PCDHA3: variants seen among roughly 807,000 people sequenced by gnomAD.
PCDHA3 encodes protocadherin alpha-3.
In PCDHA3, 41 loss-of-function variants were observed where a neutral mutation model predicts 62.2. That is an observed-to-expected ratio of 0.66 (90% CI 0.51 to 0.86). PCDHA3 has a LOEUF of 0.86. PCDHA3 is among the 40% of genes least tolerant of loss of function. The pLI, the probability that PCDHA3 is intolerant of heterozygous loss-of-function variation, is 0.00. For missense variants in PCDHA3, 1,304 were observed against 1,241.2 expected (o/e 1.05, Z -0.76); for synonymous variants, 640 against 555.4 (o/e 1.15, Z -2.14).
intron 1 of PCDHA3, among the ~76,000 whole-genome samples, chr5:140,839,736 C>T (rs1046330688): frequency 6.6e-6 from 1 of 151,778 alleles, no homozygotes; most frequent in African/African-American, 2.4e-5. Context: ...CAGAAAATAC[C>T]CTTATTTGCC....
intron 1 of PCDHA3, chr5:140,884,540 G>A (rs782638313): frequency 1.9e-6 from 3 of 1,613,998 alleles, no homozygotes; most frequent in South Asian, 2.2e-5. Flanking sequence ...GCGGCCGAGG[G>A]TGTGCTCTGG....
intron 1 of PCDHA3, among the ~76,000 whole-genome samples, chr5:140,903,033 G>A (rs2069954043): frequency 6.6e-6 from 1 of 152,180 alleles, no homozygotes; most frequent in African/African-American, 2.4e-5. Context: ...GCTTGCACAT[G>A]TGTCTTTTTC....
chr5:140,998,107 A>G (rs138517610), intron 3 of PCDHA3, among the ~76,000 whole-genome samples: 1 of 152,328 alleles, frequency 6.6e-6, no homozygotes, highest in Non-Finnish European at 1.5e-5. Flanking sequence ...AACAGAGGAG[A>G]AAATTTACTT....
intron 1 of PCDHA3, among the ~76,000 whole-genome samples, chr5:140,840,883 G>A (rs1212935487): frequency 2.6e-5 from 4 of 151,906 alleles, no homozygotes; most frequent in Non-Finnish European, 5.9e-5. Context: ...TTACATTTCT[G>A]ATATCCATGA....
intron 1 of PCDHA3, chr5:140,829,924 G>T: frequency 6.2e-7 from 1 of 1,614,014 alleles, no homozygotes; most frequent in Non-Finnish European, 8.5e-7. Context: ...CGTATGAGCT[G>T]CAGCCCCCGG....
intron 1 of PCDHA3, among the ~76,000 whole-genome samples, chr5:140,932,550 A>T (rs552367725): frequency 2.6e-5 from 4 of 152,058 alleles, no homozygotes; most frequent in Admixed American, 2.0e-4. Context: ...TTTAACATAC[A>T]TTCCACAAGT....
At chr5:140,961,548 TTC>T (rs1261051270) in intron 1 of PCDHA3, among the ~76,000 whole-genome samples, 4 of 152,230 alleles carry the variant, frequency 2.6e-5, no homozygotes, top group African/African-American at 9.6e-5. Context: ...CCTGCAGCAT[TTC>T]TTTTTTTAAA....
intron 3 of PCDHA3, among the ~76,000 whole-genome samples, chr5:140,987,130 C>G (rs1220504537): frequency 6.6e-6 from 1 of 151,648 alleles, no homozygotes; most frequent in East Asian, 1.9e-4. Context: ...AGGAGAATTG[C>G]TTGAACTCGG....
At chr5:140,966,539 T>C in intron 1 of PCDHA3, 1 of 462,182 alleles carries the variant, frequency 2.2e-6, no homozygotes, top group South Asian at 5.8e-5. Flanking sequence ...GTTGAGCGAC[T>C]CGGAGGCGAG....
At chr5:140,871,729 G>A in intron 1 of PCDHA3, 1 of 714,516 alleles carries the variant, frequency 1.4e-6, no homozygotes, top group Non-Finnish European at 2.2e-6. Flanking sequence ...TTAATATTTG[G>A]TTAGCAAATC....
intron 1 of PCDHA3, chr5:140,822,745 A>T: frequency 6.2e-7 from 1 of 1,613,762 alleles, no homozygotes; most frequent in African/African-American, 1.3e-5. Context: ...TGCCATGGAT[A>T]AAAGTACATT....
chr5:140,808,364 G>T (rs76650315), intron 1 of PCDHA3: 1 of 1,614,170 alleles, frequency 6.2e-7, no homozygotes, highest in South Asian at 1.1e-5. Flanking sequence ...GACGTCCCAC[G>T]TCCCCTTCAA....
rs1026092245 is a variant in PCDHA3 at position 140,987,228 on chromosome 5, T to A, written c.2542+4665T>A. On this transcript the variant is annotated intron_variant, in intron 3 of 3. Transcript: ENST00000522353. The stretch of plus-strand genomic sequence containing the variant: ...GACTCCATCTCAAAAAAAAAAAAAA[T>A]AATAAATAAAGAAAGAAAGACATTC... Among the ~76,000 whole-genome samples, 392 of 149,148 alleles carry A rather than the reference T, an allele frequency of 2.6e-3. 1 individual carries two copies. Among genetic ancestry groups the A allele is most frequent in the African/African-American group, 8.3e-3 (336 of 40,458 alleles).
chr5:140,928,798 G>A lies in PCDHA3; in HGVS notation c.2395-50151G>A, dbSNP rs1015507486. On this transcript the variant is annotated intron_variant, in intron 1 of 3. Transcript: ENST00000522353. ...TGATGCAGTTAAGCAGAGGGTGGTGGTAGTGGTTCGGGACCATGGAGACCC... is the reference window on the plus strand; with the variant it reads ...TGATGCAGTTAAGCAGAGGGTGGTGATAGTGGTTCGGGACCATGGAGACCC... 2.4e-5 allele frequency: 38 copies of A among 1,614,046 alleles called. No homozygotes were observed. Among genetic ancestry groups the A allele is most frequent in the Non-Finnish European group, 3.2e-5 (38 of 1,180,052 alleles).
intron 3 of PCDHA3, 146 bp downstream of exon 3, chr5:140,982,709 A>G (rs2096998107): frequency 2.2e-6 from 3 of 1,375,182 alleles, no homozygotes; most frequent in Admixed American, 2.9e-5. Flanking sequence ...ATTTCCTTAC[A>G]TATATGATTA....
chr5:140,829,704 G>A, intron 1 of PCDHA3: 2 of 1,613,434 alleles, frequency 1.2e-6, no homozygotes, highest in Non-Finnish European at 8.5e-7. Flanking sequence ...GTGAGCGCGC[G>A]CGACGCGGGC....
At chr5:140,964,044 A>G (rs155810) in intron 1 of PCDHA3, among the ~76,000 whole-genome samples, 592 of 152,346 alleles carry the variant, frequency 3.9e-3, no homozygotes, top group Middle Eastern at 0.024. Context: ...AAAGGAATGC[A>G]TAATGGTGTG....
rs999939821 is a variant in PCDHA3, at chr5:140,972,909, G to A, written c.2395-6040G>A. ...GATCTCTTGACCTTGTGATCCACCC[G>A]CCTTGGCCTCCCAAAGTGCTGGGAT... is the stretch of plus-strand genomic sequence containing the variant. On this transcript the variant is annotated intron_variant, in intron 1 of 3. Transcript: ENST00000522353. 5.3e-4 allele frequency among the ~76,000 whole-genome samples: 80 copies of A among 152,056 alleles called. 1 individual carries two copies. Among genetic ancestry groups the A allele is most frequent in the African/African-American group, 1.8e-3 (75 of 41,484 alleles).
At chr5:140,895,691 T>C (rs571770501) in intron 1 of PCDHA3, among the ~76,000 whole-genome samples, 3 of 152,322 alleles carry the variant, frequency 2.0e-5, no homozygotes, top group South Asian at 4.1e-4. Flanking sequence ...TCTGTTTCTA[T>C]ATTAATTCAC....
Sources: allele counts gnomAD v4.1 joint callset (sites outside exome capture counted in the v4.1 genomes callset), GRCh38; gene constraint gnomAD v4.1.1; transcripts MANE v1.5; gene names NCBI Gene and HGNC (gene_info 2026-07-23, HGNC 2026-07-21).